Variants in SENP7 observed in about 807,000 individuals in gnomAD.
The protein encoded by SENP7 is sentrin-specific protease 7.
Under a neutral mutation model 141.2 loss-of-function variants are expected in SENP7, and 64 were observed. The observed-to-expected ratio is 0.45, with a 90% CI of 0.37 to 0.56. The LOEUF (loss-of-function observed/expected upper bound fraction) is 0.56, where lower values mean the gene tolerates loss of function less well. Among genes scored for constraint, SENP7 ranks in the 20% least tolerant of loss-of-function variants. SENP7 has a pLI of 0.00. For missense variants in SENP7, 1,025 were observed against 1,212.2 expected, an observed-to-expected ratio of 0.85 and a Z score of 2.29; for synonymous variants, 382 against 426.4, an observed-to-expected ratio of 0.90 and a Z score of 1.28.
intron 4 of SENP7, among the ~76,000 whole-genome samples, chr3:101,441,438 G>A (rs551502036): frequency 1.7e-4 from 26 of 152,092 alleles, no homozygotes; most frequent in South Asian, 6.2e-4. Context: ...GGACCTGCCC[G>A]CACAATACTG....
At chr3:101,342,675 CTT>C (rs556843924) in intron 14 of SENP7, among the ~76,000 whole-genome samples, 3 of 142,978 alleles carry the variant, frequency 2.1e-5, no homozygotes, top group Non-Finnish European at 3.1e-5. Flanking sequence ...ACCTTAGTAC[CTT>C]TTTTTTTTTT....
intron 4 of SENP7, among the ~76,000 whole-genome samples, chr3:101,428,149 A>G (rs1409181731): frequency 1.3e-5 from 2 of 152,222 alleles, no homozygotes; most frequent in African/African-American, 2.4e-5. Flanking sequence ...TAGTGCTGCA[A>G]TAAACATACA....
intron 1 of SENP7, among the ~76,000 whole-genome samples, chr3:101,507,326 C>G (rs755531156): frequency 3.6e-4 from 55 of 152,140 alleles, no homozygotes; most frequent in Non-Finnish European, 3.5e-4. Context: ...TACCATACCC[C>G]CTTAATTTAC....
intron 3 of SENP7, among the ~76,000 whole-genome samples, chr3:101,488,542 T>C (rs1410523754): frequency 2.0e-5 from 3 of 152,164 alleles, no homozygotes; most frequent in Non-Finnish European, 4.4e-5. Flanking sequence ...CTAATCACAA[T>C]AGAAAGGTTG....
At chr3:101,450,602 C>A (rs1288760884) in intron 4 of SENP7, among the ~76,000 whole-genome samples, 1 of 152,186 alleles carries the variant, frequency 6.6e-6, no homozygotes, top group Admixed American at 6.5e-5. Flanking sequence ...ACAACCTAGT[C>A]CTGAATGACT....
At position 101,450,159 on chromosome 3, in the gene SENP7, T is replaced by A. The variant is rs554163675; in HGVS notation, c.284+8796A>T. 2.0e-5 allele frequency among the ~76,000 whole-genome samples: 3 copies of A among 152,266 alleles called. No homozygotes were observed. In the South Asian group the frequency reaches 6.2e-4, roughly 32 times the overall value. ...AAGGGATCAATTCAACAAGAAGAGC[T>A]AACTATCCTAAATATATATGCACCC... On this transcript the variant is annotated intron_variant, in intron 4 of 23. Coordinates refer to ENST00000394095, the MANE Select transcript of SENP7 (RefSeq NM_020654.5).
intron 6 of SENP7, among the ~76,000 whole-genome samples, chr3:101,386,144 T>C (rs540933332): frequency 3.3e-5 from 5 of 152,026 alleles, no homozygotes; most frequent in Non-Finnish European, 7.4e-5. Context: ...TAACCACCTA[T>C]CAAATAGAGC....
chr3:101,450,552 A>C (rs934936129), intron 4 of SENP7, among the ~76,000 whole-genome samples: 2 of 152,238 alleles, frequency 1.3e-5, no homozygotes, highest in Non-Finnish European at 2.9e-5. Flanking sequence ...ACTCACGATT[A>C]AGAAACTCAC....
At chr3:101,357,528 C>G in intron 11 of SENP7, 2 of 1,419,326 alleles carry the variant, frequency 1.4e-6, no homozygotes, top group Non-Finnish European at 1.9e-6. Context: ...ATAAAAGATT[C>G]TTTCCAAAAA....
chr3:101,500,349 ATG>A (rs2065329392), intron 2 of SENP7, among the ~76,000 whole-genome samples: 1 of 152,128 alleles, frequency 6.6e-6, no homozygotes, highest in Non-Finnish European at 1.5e-5. Context: ...GAGGCCAGGA[ATG>A]TGAGACCAGC....
At chr3:101,387,101 T>A (rs1252983428) in intron 6 of SENP7, among the ~76,000 whole-genome samples, 1 of 151,880 alleles carries the variant, frequency 6.6e-6, no homozygotes, top group Non-Finnish European at 1.5e-5. Flanking sequence ...AGGGCCTGAG[T>A]GCATGGTTCA....
chr3:101,472,051 G>A (rs575338061), intron 3 of SENP7, among the ~76,000 whole-genome samples: 1 of 152,350 alleles, frequency 6.6e-6, no homozygotes, highest in Non-Finnish European at 1.5e-5. Context: ...TACACTGTTG[G>A]TGGGAATGTA....
intron 3 of SENP7, among the ~76,000 whole-genome samples, chr3:101,473,728 CTTTAG>C (rs1306743700): frequency 2.0e-5 from 3 of 152,140 alleles, no homozygotes. Context: ...TGCAGAAGCT[CTTTAG>C]TTTAGTTAGA....
chr3:101,326,167 T>C (rs1381499739), intron 23 of SENP7, 87 bp from the exon 24 acceptor site: 31 of 1,108,166 alleles, frequency 2.8e-5, no homozygotes, highest in Non-Finnish European at 3.8e-5. Context: ...AATGACAAAT[T>C]GCTAACTTTT....
rs747491966 is a variant in SENP7 at position 101,398,950 on chromosome 3, C to A, written c.588G>T (p.Leu196Phe). 1 of 1,613,832 alleles carries A rather than the reference C, an allele frequency of 6.2e-7. No homozygotes were observed. Among genetic ancestry groups the A allele is most frequent in the Non-Finnish European group, 8.5e-7 (1 of 1,179,796 alleles). The change falls in exon 6 of 24, where the codon TTG becomes TTT. Residue 196 changes from leucine to phenylalanine, a missense_variant. Leu to Phe is a conservative substitution (Grantham distance 22). Transcript: ENST00000394095. Reference sequence around the variant, plus strand: ...ATGATGAAGAAAGTTGCTCTGATTGCAAGTTGTCTGTATCACTCAAACTTC... The same window carrying A: ...ATGATGAAGAAAGTTGCTCTGATTGAAAGTTGTCTGTATCACTCAAACTTC... The part of the protein sequence containing the change: ...TEGSLSDTDN[L>F]QSEQLSSSSD...
At chr3:101,464,465 C>A (rs4234489) in intron 3 of SENP7, among the ~76,000 whole-genome samples, 60,260 of 151,790 alleles carry the variant, frequency 0.4, 12,475 homozygotes, top group Admixed American at 0.54. Context: ...CCTGTCAGGT[C>A]AGTGGCAGCA....
At chr3:101,481,259 G>C (rs563492416) in intron 3 of SENP7, among the ~76,000 whole-genome samples, 85 of 152,036 alleles carry the variant, frequency 5.6e-4, no homozygotes, top group Admixed American at 7.9e-4. Flanking sequence ...TGGACAAACG[G>C]ATAAAGAAAA....
In SENP7 at chr3:101,463,364, AATATATAT is replaced by A. The variant is rs71625265; in HGVS notation, c.187-4320_187-4313del. On this transcript the variant is annotated intron_variant, in intron 3 of 23. Transcript: ENST00000394095. ...ACCATGTATCATAAATAAATAAATA[AATATATAT>A]ATATATATATATATATATATATATA... is the stretch of plus-strand genomic sequence containing the variant. Among the ~76,000 whole-genome samples the A allele has an allele frequency of 1.9e-3, 169 of 89,210 alleles. 4 individuals carry two copies. The highest frequency in any genetic ancestry group is 6.0e-3 in the African/African-American group (149 of 24,660). 58.5% of individuals were successfully genotyped at this position (89,210 alleles called of 152,430 possible). A position where few individuals can be genotyped will look rare whatever the true frequency, so the allele number is the denominator to read the frequency against.
intron 4 of SENP7, among the ~76,000 whole-genome samples, chr3:101,426,444 T>C (rs1431400658): frequency 1.3e-5 from 2 of 151,842 alleles, no homozygotes; most frequent in African/African-American, 4.8e-5. Context: ...AAATGTGATA[T>C]GCAGCCAAAC....
Sources: allele counts gnomAD v4.1 joint callset (sites outside exome capture counted in the v4.1 genomes callset), GRCh38; gene constraint gnomAD v4.1.1; transcripts MANE v1.5; gene names NCBI Gene and HGNC (gene_info 2026-07-23, HGNC 2026-07-21).